The following DMD variants were observed in gnomAD, a reference collection of about 807,000 sequenced individuals.
DMD encodes dystrophin, also known as mutant dystrophin.
A neutral mutation model predicts 330.1 loss-of-function variants in DMD; 63 were observed. The observed-to-expected ratio is 0.19, with a 90% CI of 0.16 to 0.24. The LOEUF is 0.24. DMD is among the 10% of genes least tolerant of loss of function. The pLI is 1.00. For missense variants in DMD, 3,344 were observed against 2,684.1 expected, an observed-to-expected ratio of 1.25 and a Z score of -5.43; for synonymous variants, 1,223 against 959.8, an observed-to-expected ratio of 1.27 and a Z score of -5.07.
At chrX:33,009,218 G>A (rs1204720714) in intron 2 of DMD, among the ~76,000 whole-genome samples, 2 of 44,409 alleles carry the variant, frequency 4.5e-5, no homozygotes, top group African/African-American at 9.5e-5. Context: ...ATACACATAT[G>A]TGCATATATG....
At chrX:32,795,693 G>GA (rs1356125945) in intron 7 of DMD, among the ~76,000 whole-genome samples, 1 of 112,060 alleles carries the variant, frequency 8.9e-6, no homozygotes, top group Non-Finnish European at 1.9e-5. Context: ...CTGAATGGGA[G>GA]AAAAGATTTG....
chrX:32,977,588 T>G (rs778241508), intron 2 of DMD, among the ~76,000 whole-genome samples: 1 of 111,401 alleles, frequency 9.0e-6, no homozygotes, highest in Non-Finnish European at 1.9e-5. Context: ...AGCTTTTCTG[T>G]GTATAATAGA....
At chrX:32,608,722 G>A (rs1241123395) in intron 12 of DMD, among the ~76,000 whole-genome samples, 2 of 110,567 alleles carry the variant, frequency 1.8e-5, no homozygotes, top group African/African-American at 6.5e-5. Flanking sequence ...CATTTACTGA[G>A]CATCAATTAT....
chrX:31,147,063 T>C (rs1440066679), intron 75 of DMD, among the ~76,000 whole-genome samples: 1 of 111,936 alleles, frequency 8.9e-6, no homozygotes, highest in African/African-American at 3.2e-5. Context: ...GAAAAAACCA[T>C]TTTGGTAGGA....
intron 2 of DMD, among the ~76,000 whole-genome samples, chrX:32,885,124 G>C (rs893530957): frequency 8.9e-6 from 1 of 111,762 alleles, no homozygotes; most frequent in African/African-American, 3.3e-5. Flanking sequence ...AATCTGTTCA[G>C]AGTCATAGGC....
At chrX:33,206,126 T>C (rs994363802) in intron 1 of DMD, among the ~76,000 whole-genome samples, 2 of 111,511 alleles carry the variant, frequency 1.8e-5, no homozygotes, top group Non-Finnish European at 3.8e-5. Context: ...AAATGAATAA[T>C]AAACAAAAAT....
rs142538404 is a variant in DMD, at chrX:32,648,560, T to C, written c.961-3408A>G. 9.9e-3 allele frequency among the ~76,000 whole-genome samples: 1,109 copies of C among 111,766 alleles called. 20 individuals are homozygous for C. The highest frequency in any genetic ancestry group is 0.034 in the African/African-American group (1,046 of 30,831). On this transcript the variant is annotated intron_variant, in intron 9 of 78. Coordinates refer to ENST00000357033, the MANE Select transcript of DMD (RefSeq NM_004006.3). ...ATATGGGTTTATTTTGATATGTATA[T>C]GTATATATGTTCTAAGGTGAGATTA...
At chrX:32,358,828 G>A (rs5927972) in intron 37 of DMD, among the ~76,000 whole-genome samples, 54,135 of 109,914 alleles carry the variant, frequency 0.49, 10,302 homozygotes, top group East Asian at 0.75. Context: ...TGTAATATAC[G>A]TAACGATGGA....
chrX:31,626,638 A>G (rs1162145682), intron 55 of DMD, among the ~76,000 whole-genome samples: 1 of 111,550 alleles, frequency 9.0e-6, no homozygotes, highest in Non-Finnish European at 1.9e-5. Flanking sequence ...TCTATGCAAC[A>G]GAGCAGCAAA....
chrX:32,376,712 A>AG (rs2097904406), intron 34 of DMD, among the ~76,000 whole-genome samples: 2 of 106,786 alleles, frequency 1.9e-5, no homozygotes, highest in African/African-American at 7.3e-5. Context: ...TAGAGAATCC[A>AG]ATTTTTTTTT....
intron 1 of DMD, among the ~76,000 whole-genome samples, chrX:33,064,239 G>A (rs1043034668): frequency 9.0e-6 from 1 of 110,747 alleles, no homozygotes; most frequent in Non-Finnish European, 1.9e-5. Context: ...GTTAATAAAT[G>A]AAGAACTAAG....
chrX:33,080,037 T>C (rs1048342928), intron 1 of DMD, among the ~76,000 whole-genome samples: 3 of 112,469 alleles, frequency 2.7e-5, no homozygotes, highest in Admixed American at 9.4e-5. Context: ...CTAAAGCTAG[T>C]TTTTAAATAA....
rs184952326 is a variant in DMD, at chrX:31,575,382, G to A, written c.8217+52291C>T. 1.9e-3 allele frequency among the ~76,000 whole-genome samples: 215 copies of A among 110,680 alleles called. 1 individual carries two copies. Among genetic ancestry groups the A allele is most frequent in the African/African-American group, 6.6e-3 (201 of 30,498 alleles). On this transcript the variant is annotated intron_variant, in intron 55 of 78. Coordinates refer to ENST00000357033, the MANE Select transcript of DMD (RefSeq NM_004006.3). ...AAAAAGCCACAGCTGGAACTATATC[G>A]AGCTCAACTCTGCAACTTAATTGTG...
intron 29 of DMD, among the ~76,000 whole-genome samples, chrX:32,427,986 T>G (rs2098220056): frequency 1.8e-5 from 2 of 111,766 alleles, no homozygotes; most frequent in Non-Finnish European, 3.8e-5. Flanking sequence ...TATTTGTTTT[T>G]ACTTCCCTCT....
At chrX:32,585,427 C>G (rs989765409) in intron 13 of DMD, among the ~76,000 whole-genome samples, 1 of 110,897 alleles carries the variant, frequency 9.0e-6, no homozygotes, top group African/African-American at 3.3e-5. Flanking sequence ...GGTGGCCGGG[C>G]GTGGTGGCTC....
Position 32,400,781 on chromosome X carries a change from C to T in DMD, c.4234-10600G>A, listed in dbSNP as rs1473662603. ...TGTGGAAGTCAGTGTGGCGATTCCT[C>T]AGGGATCTAGAACTAGAAATACCAT... On this transcript the variant is annotated intron_variant, in intron 30 of 78. Coordinates refer to ENST00000357033, the MANE Select transcript of DMD (RefSeq NM_004006.3). Among the ~76,000 whole-genome samples, 31 of 107,601 alleles carry T rather than the reference C, an allele frequency of 2.9e-4. No individual in the cohort carries two copies. In the Admixed American group the frequency reaches 2.9e-3, roughly 10 times the overall value. The allele number at this position is 107,601 out of a possible 115,157, so 93.4% of individuals were successfully genotyped here.
rs200494003 is a variant in DMD at position 32,287,676 on chromosome X, C to T, written c.6143G>A (p.Ser2048Asn). ...ATGAATAATGTCAATCCGACCTGAG[C>T]TTTGTTGTAGACTATCTTTTATATT... is the stretch of plus-strand genomic sequence containing the variant. ...LKNIKDSLQQ[S>N]SGRIDIIHSK... The change falls in exon 43 of 79, where the codon AGC (serine) becomes AAC (asparagine). Residue 2048 changes from serine to asparagine, a missense_variant. Transcript: ENST00000357033. The T allele has an allele frequency of 8.4e-5, 101 of 1,204,567 alleles. No homozygotes were observed. Among genetic ancestry groups the T allele is most frequent in the Non-Finnish European group, 5.7e-5 (51 of 891,833 alleles).
chrX:33,301,362 G>A (rs1477620132), intron 1 of DMD, among the ~76,000 whole-genome samples: 1 of 105,716 alleles, frequency 9.5e-6, no homozygotes, highest in Non-Finnish European at 2.0e-5. Flanking sequence ...ATAATGCTTA[G>A]AAATTATACT....
intron 62 of DMD, among the ~76,000 whole-genome samples, chrX:31,276,266 C>T (rs4294332): frequency 0.37 from 40,721 of 110,231 alleles, 5,566 homozygotes; most frequent in East Asian, 0.64. Flanking sequence ...ACCATGTTGG[C>T]CGGGCTGGTG....
Sources: allele counts gnomAD v4.1 joint callset (sites outside exome capture counted in the v4.1 genomes callset), GRCh38; gene constraint gnomAD v4.1.1; transcripts MANE v1.5; gene names NCBI Gene and HGNC (gene_info 2026-07-23, HGNC 2026-07-21).